Variants in ADAMTS19 observed in about 807,000 individuals in gnomAD.
ADAMTS19 encodes A disintegrin and metalloproteinase with thrombospondin motifs 19.
A neutral mutation model predicts 153.3 loss-of-function variants in ADAMTS19; 93 were observed. That is an observed-to-expected ratio of 0.61 (90% CI 0.51 to 0.72). The LOEUF (loss-of-function observed/expected upper bound fraction) is 0.72, where lower values mean the gene tolerates loss of function less well. Ranked by LOEUF, ADAMTS19 falls within the 30% of genes least tolerant of loss-of-function variation. ADAMTS19 has a pLI of 0.00. For synonymous variants in ADAMTS19, 600 were observed against 556.6 expected, an observed-to-expected ratio of 1.08 and a Z score of -1.10; for missense variants, 1,482 against 1,552.1, an observed-to-expected ratio of 0.95 and a Z score of 0.76.
intron 21 of ADAMTS19, among the ~76,000 whole-genome samples, chr5:129,730,011 AG>A (rs1757369537): frequency 6.6e-6 from 1 of 152,124 alleles, no homozygotes; most frequent in Non-Finnish European, 1.5e-5. Flanking sequence ...CAAGATTTAC[AG>A]AAATTTTAGG....
chr5:129,543,496 T>C (rs1752737034), intron 6 of ADAMTS19, among the ~76,000 whole-genome samples: 1 of 152,184 alleles, frequency 6.6e-6, no homozygotes, highest in South Asian at 2.1e-4. Context: ...CAGCACAGTG[T>C]AACATTACAT....
rs188083175 is a variant in ADAMTS19 at position 129,514,570 on chromosome 5, T to G, written c.913+5328T>G. On this transcript the variant is annotated intron_variant, in intron 3 of 22. Transcript: ENST00000274487. ...TTGAGCACCTTTTCATGTGCCTATT[T>G]GCCATTTGTATGTCTTCTTTTGAGA... Among the ~76,000 whole-genome samples the G allele has an allele frequency of 2.2e-3, 330 of 152,238 alleles. 1 individual carries two copies. Among genetic ancestry groups the G allele is most frequent in the African/African-American group, 7.4e-3 (306 of 41,570 alleles).
chr5:129,690,222 A>G (rs771431244), intron 18 of ADAMTS19, among the ~76,000 whole-genome samples: 1 of 152,256 alleles, frequency 6.6e-6, no homozygotes, highest in East Asian at 1.9e-4. Context: ...TTACTCAGTG[A>G]TAAAGGAAGA....
intron 10 of ADAMTS19, among the ~76,000 whole-genome samples, chr5:129,628,963 C>A (rs1752173230): frequency 1.3e-5 from 2 of 152,174 alleles, no homozygotes; most frequent in Admixed American, 1.3e-4. Flanking sequence ...AAAATGTATT[C>A]CCATCATTAA....
intron 7 of ADAMTS19, among the ~76,000 whole-genome samples, chr5:129,568,567 C>G (rs980957365): frequency 2.6e-5 from 4 of 152,084 alleles, no homozygotes; most frequent in African/African-American, 9.7e-5. Flanking sequence ...TGCCTGTAAG[C>G]CCAGCATTTT....
intron 8 of ADAMTS19, among the ~76,000 whole-genome samples, chr5:129,597,055 A>G (rs1048342884): frequency 1.3e-5 from 2 of 152,212 alleles, no homozygotes; most frequent in Non-Finnish European, 2.9e-5. Context: ...ATTACCAGGC[A>G]TAAGTGAAGG....
chr5:129,692,960 T>C (rs1755401160), intron 18 of ADAMTS19, among the ~76,000 whole-genome samples: 1 of 152,150 alleles, frequency 6.6e-6, no homozygotes, highest in Non-Finnish European at 1.5e-5. Context: ...ATTCCATCAG[T>C]ACTCCAAGAT....
intron 17 of ADAMTS19, 59 bp from the exon 18 acceptor site, chr5:129,684,061 T>C: frequency 1.3e-6 from 2 of 1,505,426 alleles, no homozygotes; most frequent in Non-Finnish European, 1.8e-6. Flanking sequence ...AATTTTATGC[T>C]TTACATTGCA....
chr5:129,500,456 G>A (rs1246237652), intron 2 of ADAMTS19: 1 of 152,122 alleles, frequency 6.6e-6, no homozygotes, highest in Non-Finnish European at 1.5e-5. Context: ...TTTCTTCAGA[G>A]ATGCTCCTCA....
intron 8 of ADAMTS19, among the ~76,000 whole-genome samples, chr5:129,608,327 A>G (rs1439756089): frequency 2.0e-5 from 3 of 151,754 alleles, no homozygotes; most frequent in Non-Finnish European, 4.4e-5. Context: ...AATGGTGGTT[A>G]CCAGGAGCTG....
chr5:129,698,988 C>T (rs1483285038), intron 19 of ADAMTS19, among the ~76,000 whole-genome samples: 1 of 152,168 alleles, frequency 6.6e-6, no homozygotes, highest in Non-Finnish European at 1.5e-5. Context: ...ATTAAACTAA[C>T]TTACAGATGA....
intron 2 of ADAMTS19, among the ~76,000 whole-genome samples, chr5:129,499,404 ACTT>A (rs1751028804): frequency 6.6e-6 from 1 of 152,058 alleles, no homozygotes; most frequent in Non-Finnish European, 1.5e-5. Flanking sequence ...CTTCCTTTTT[ACTT>A]CTTCACCACA....
At chr5:129,468,923 C>A (rs1313528600) in intron 2 of ADAMTS19, among the ~76,000 whole-genome samples, 1 of 151,904 alleles carries the variant, frequency 6.6e-6, no homozygotes, top group Non-Finnish European at 1.5e-5. Context: ...ATTACAGGTG[C>A]CTGCCACCAC....
At chr5:129,635,060 C>G (rs1752475172) in intron 10 of ADAMTS19, among the ~76,000 whole-genome samples, 1 of 151,918 alleles carries the variant, frequency 6.6e-6, no homozygotes, top group Non-Finnish European at 1.5e-5. Context: ...CAATAGCAAA[C>G]TTAAGTTTAC....
intron 21 of ADAMTS19, among the ~76,000 whole-genome samples, chr5:129,712,084 A>C (rs1206554064): frequency 6.6e-6 from 1 of 152,168 alleles, no homozygotes; most frequent in African/African-American, 2.4e-5. Context: ...TTCCTGAAAT[A>C]GGTTAGCATT....
intron 2 of ADAMTS19, among the ~76,000 whole-genome samples, chr5:129,504,743 G>A (rs867125468): frequency 3.9e-5 from 6 of 151,932 alleles, no homozygotes; most frequent in African/African-American, 7.2e-5. Flanking sequence ...ATGTGAGATT[G>A]TGCAGTATTT....
chr5:129,688,406 T>C (rs1242616677), intron 18 of ADAMTS19, among the ~76,000 whole-genome samples: 1 of 152,172 alleles, frequency 6.6e-6, no homozygotes, highest in Non-Finnish European at 1.5e-5. Context: ...AAATTGCCAA[T>C]ACTGTAATAA....
intron 16 of ADAMTS19, among the ~76,000 whole-genome samples, chr5:129,667,276 G>C (rs547960662): frequency 6.6e-6 from 1 of 152,136 alleles, no homozygotes; most frequent in African/African-American, 2.4e-5. Context: ...TCAGGCCTGG[G>C]TCCTGATCTT....
intron 8 of ADAMTS19, among the ~76,000 whole-genome samples, chr5:129,605,911 T>A (rs1014389102): frequency 2.0e-5 from 3 of 152,174 alleles, no homozygotes; most frequent in Non-Finnish European, 4.4e-5. Context: ...TATATTTCAT[T>A]TCATTATAAA....
Sources: gnomAD v4.1 joint callset for allele counts (sites outside exome capture counted in the v4.1 genomes callset) on GRCh38, gnomAD v4.1.1 for gene constraint, MANE v1.5 for transcripts, NCBI Gene and HGNC (gene_info 2026-07-23, HGNC 2026-07-21) for gene names.